FAM114A1: variants seen among roughly 807,000 people sequenced by gnomAD.
The protein encoded by FAM114A1 is family with sequence similarity 114 member A1.
A neutral mutation model predicts 64.3 loss-of-function variants in FAM114A1; 62 were observed. That is an observed-to-expected ratio of 0.96 (90% confidence interval 0.79 to 1.19). The LOEUF (loss-of-function observed/expected upper bound fraction) is 1.19. Ranked by LOEUF, FAM114A1 falls within the 50% of genes most tolerant of loss-of-function variation. The pLI is 0.00. For synonymous variants in FAM114A1, 254 were observed against 251.1 expected, an observed-to-expected ratio of 1.01 and a Z score of -0.11; for missense variants, 645 against 676.3, an observed-to-expected ratio of 0.95 and a Z score of 0.51.
At chr4:38,875,724 C>T (rs1018074026) in intron 2 of FAM114A1, among the ~76,000 whole-genome samples, 6 of 152,206 alleles carry the variant, frequency 3.9e-5, no homozygotes, top group South Asian at 2.1e-4. Flanking sequence ...TGGGTATCCT[C>T]GTCTTGTTCT....
intron 3 of FAM114A1, among the ~76,000 whole-genome samples, chr4:38,883,503 T>C (rs1715499554): frequency 6.6e-6 from 1 of 152,134 alleles, no homozygotes; most frequent in Non-Finnish European, 1.5e-5. Context: ...ATGTCATCCC[T>C]ACTGCTCAAC....
intron 2 of FAM114A1, among the ~76,000 whole-genome samples, chr4:38,876,176 T>C (rs936775887): frequency 4.8e-5 from 7 of 146,980 alleles, no homozygotes; most frequent in African/African-American, 1.0e-4. Flanking sequence ...TTTCTTTTTT[T>C]TTTTTTTTTT....
At position 38,944,024 on chromosome 4, in the gene FAM114A1, T is replaced by C. The variant is rs551317807; in HGVS notation, c.*467T>C. On this transcript the variant is annotated 3_prime_UTR_variant, in exon 15 of 15. Coordinates refer to ENST00000358869, the MANE Select transcript of FAM114A1 (RefSeq NM_138389.4). ...TCGCAGGCAAAAATAACACTACTTA[T>C]AGATTTTACCTATTATGGTAAAAAA... The C allele has an allele frequency of 1.3e-5, 2 of 153,140 alleles. No homozygotes were observed. Among genetic ancestry groups the C allele is most frequent in the Non-Finnish European group, 1.5e-5 (1 of 68,662 alleles). The allele number at this position is 153,140 out of a possible 1,614,324, so 9.5% of individuals were successfully genotyped here.
chr4:38,905,458 G>T, intron 4 of FAM114A1, 64 bp from the exon 5 acceptor site: 1 of 1,158,428 alleles, frequency 8.6e-7, no homozygotes, highest in Non-Finnish European at 1.3e-6. Flanking sequence ...TGTAAGATTT[G>T]GTGGAGGATT....
intron 3 of FAM114A1, among the ~76,000 whole-genome samples, chr4:38,888,212 G>A (rs923113650): frequency 6.6e-6 from 1 of 151,650 alleles, no homozygotes; most frequent in African/African-American, 2.4e-5. Flanking sequence ...ATATGAAAAT[G>A]TCTTTCCTAT....
At chr4:38,873,384 G>A (rs1714278570) in intron 2 of FAM114A1, among the ~76,000 whole-genome samples, 1 of 152,198 alleles carries the variant, frequency 6.6e-6, no homozygotes, top group Admixed American at 6.5e-5. Flanking sequence ...CTGAGTGTCT[G>A]TACACAAATA....
chr4:38,868,177 C>A, intron 1 of FAM114A1: 1 of 214,868 alleles, frequency 4.7e-6, no homozygotes, highest in East Asian at 1.2e-4. Flanking sequence ...CCTGGATCTC[C>A]CAAAGTATCC....
intron 3 of FAM114A1, among the ~76,000 whole-genome samples, chr4:38,881,221 A>G (rs1176072227): frequency 2.6e-5 from 4 of 151,702 alleles, no homozygotes; most frequent in African/African-American, 7.3e-5. Context: ...AAAAATCAGT[A>G]TGCTTCTACC....
At chr4:38,924,226 A>G (rs28718402) in intron 9 of FAM114A1, among the ~76,000 whole-genome samples, 30,687 of 152,208 alleles carry the variant, frequency 0.2, 3,277 homozygotes, top group Middle Eastern at 0.3. Flanking sequence ...CTAAAAACAT[A>G]TATTACAGTG....
chr4:38,943,505 C>T lies in FAM114A1; in HGVS notation c.1640C>T (p.Pro547Leu). The T allele has an allele frequency of 6.2e-7, 1 of 1,614,134 alleles. No homozygotes were observed. Among genetic ancestry groups the T allele is most frequent in the Non-Finnish European group, 8.5e-7 (1 of 1,179,998 alleles). Residue 547 changes from proline (P) to leucine (L), a missense_variant, in exon 15 of 15, where the codon CCT becomes CTT. Pro to Leu is a moderately conservative substitution (Grantham distance 98, BLOSUM62 -3). Transcript: ENST00000358869. ...YIQDAFQLLL[P>L]VLQVSHIQTS... ...CAGGATGCCTTCCAGCTGCTGCTGCCTGTTCTGCAGGTCTCACATATCCAG... is the reference window on the plus strand; with the variant it reads ...CAGGATGCCTTCCAGCTGCTGCTGCTTGTTCTGCAGGTCTCACATATCCAG...
At chr4:38,923,089 T>A (rs1719765421) in intron 9 of FAM114A1, among the ~76,000 whole-genome samples, 196 bp downstream of exon 9, 1 of 152,214 alleles carries the variant, frequency 6.6e-6, no homozygotes. Flanking sequence ...GGTCGGGAAC[T>A]CCTATTGGTC....
chr4:38,906,129 C>T (rs528746107), intron 6 of FAM114A1, among the ~76,000 whole-genome samples: 2 of 152,268 alleles, frequency 1.3e-5, no homozygotes, highest in South Asian at 4.1e-4. Context: ...AGTGTCCTTT[C>T]CAGCTGCGGC....
chr4:38,887,980 C>T (rs1216488023), intron 3 of FAM114A1, among the ~76,000 whole-genome samples: 3 of 152,118 alleles, frequency 2.0e-5, no homozygotes, highest in Non-Finnish European at 4.4e-5. Context: ...ACAAGTTATA[C>T]GCAGCACCTG....
chr4:38,869,348 A>C (rs1368857128), intron 2 of FAM114A1, among the ~76,000 whole-genome samples: 1 of 152,214 alleles, frequency 6.6e-6, no homozygotes, highest in East Asian at 1.9e-4. Flanking sequence ...GGAGTTTGCC[A>C]GGCAGCTGGA....
chr4:38,914,593 A>G (rs747590076), intron 7 of FAM114A1: 12 of 184,772 alleles, frequency 6.5e-5, no homozygotes, highest in Non-Finnish European at 1.2e-4. Context: ...TAATAAGAAA[A>G]TAAGAAAGTT....
At chr4:38,927,682 T>C (rs1014295667) in intron 9 of FAM114A1, among the ~76,000 whole-genome samples, 8 of 152,104 alleles carry the variant, frequency 5.3e-5, no homozygotes, top group African/African-American at 1.9e-4. Flanking sequence ...TCTGTTTTGT[T>C]TTATTTTGTT....
Position 38,931,492 on chromosome 4 carries a change from C to T in FAM114A1, c.1203C>T (p.Thr401=), listed in dbSNP as rs777267030. ...RAHDWVEEDQ[T]VVSVDVAKVS... is the part of the protein sequence containing the mutation. Reference sequence around the variant, plus strand: ...ATGACTGGGTGGAAGAGGATCAAACCGTGGTGTCAGTAGATGTGGCAAAAG... The same window carrying T: ...ATGACTGGGTGGAAGAGGATCAAACTGTGGTGTCAGTAGATGTGGCAAAAG... Residue 401 remains threonine (T), a synonymous_variant, in exon 11 of 15, where the codon ACC becomes ACT. Transcript: ENST00000358869. The T allele has an allele frequency of 1.5e-4, 249 of 1,613,586 alleles. No homozygotes were observed. The highest frequency in any genetic ancestry group is 2.0e-4 in the Non-Finnish European group (238 of 1,179,938).
chr4:38,901,544 G>A (rs527256406), intron 4 of FAM114A1, among the ~76,000 whole-genome samples: 15 of 152,218 alleles, frequency 9.9e-5, no homozygotes, highest in South Asian at 2.1e-4. Context: ...CGCCTACCTC[G>A]GCCTCCCAAA....
chr4:38,943,429 T>C, intron 14 of FAM114A1, 27 bp from the exon 15 acceptor site: 1 of 1,601,614 alleles, frequency 6.2e-7, no homozygotes, highest in South Asian at 1.1e-5. Flanking sequence ...AAAATAACCC[T>C]TCAACCTCAT....
Sources: gnomAD v4.1 joint callset for allele counts (sites outside exome capture counted in the v4.1 genomes callset) on GRCh38, gnomAD v4.1.1 for gene constraint, MANE v1.5 for transcripts, NCBI Gene and HGNC (gene_info 2026-07-23, HGNC 2026-07-21) for gene names.